Variants in MAP2K5 observed in about 807,000 individuals in gnomAD.
The protein encoded by MAP2K5 is dual specificity mitogen-activated protein kinase kinase 5.
In MAP2K5, 49 loss-of-function variants were observed where a neutral mutation model predicts 83.1. That is an observed-to-expected ratio of 0.59 (90% CI 0.47 to 0.75). The LOEUF (loss-of-function observed/expected upper bound fraction) is 0.75, where lower values mean the gene tolerates loss of function less well. MAP2K5 is among the 30% of genes least tolerant of loss of function. MAP2K5 has a pLI of 0.00. For missense variants in MAP2K5, 457 were observed against 557.5 expected (o/e 0.82, Z 1.82); for synonymous variants, 202 against 191.8 (o/e 1.05, Z -0.44).
At chr15:67,704,174 T>A (rs1012893207) in intron 16 of MAP2K5, among the ~76,000 whole-genome samples, 1 of 152,248 alleles carries the variant, frequency 6.6e-6, no homozygotes. Flanking sequence ...GTTTGAATTA[T>A]GGTAGTATAG....
In MAP2K5 at chr15:67,698,449, C is replaced by T. The variant is rs1366018430; in HGVS notation, c.972+4881C>T. Among the ~76,000 whole-genome samples, 1 of 152,112 alleles carries T rather than the reference C, an allele frequency of 6.6e-6. No homozygotes were observed. The highest frequency in any genetic ancestry group is 1.5e-5 in the Non-Finnish European group (1 of 68,012). ...AAGTGATCCACCCTCCTTGGCCTCC[C>T]AAAGTGCTGGGATTACAGGTGTGAG... is the stretch of plus-strand genomic sequence containing the variant. On this transcript the variant is annotated intron_variant, in intron 15 of 21. Coordinates refer to ENST00000178640, the MANE Select transcript of MAP2K5 (RefSeq NM_145160.3). This position sits in a 1 kb window ranked among gnomAD's most constrained non-coding sequence, Gnocchi z 4.5.
intron 16 of MAP2K5, among the ~76,000 whole-genome samples, chr15:67,726,083 A>T (rs1286103996): frequency 6.6e-6 from 1 of 152,212 alleles, no homozygotes; most frequent in East Asian, 1.9e-4. Flanking sequence ...TATCCATCAA[A>T]TGAAATGATG....
intron 17 of MAP2K5, among the ~76,000 whole-genome samples, chr15:67,728,664 G>T (rs1452701066): frequency 6.6e-6 from 1 of 152,158 alleles, no homozygotes; most frequent in Admixed American, 6.5e-5. Flanking sequence ...TGTTTTTCTG[G>T]CATCTTGGTC....
Position 67,677,786 on chromosome 15 carries a change from G to A in MAP2K5, c.847+13141G>A, listed in dbSNP as rs1299068845. Among the ~76,000 whole-genome samples the A allele has an allele frequency of 6.6e-6, 1 of 152,216 alleles. No homozygotes were observed. Among genetic ancestry groups the A allele is most frequent in the African/African-American group, 2.4e-5 (1 of 41,460 alleles). On this transcript the variant is annotated intron_variant, in intron 13 of 21. Coordinates refer to ENST00000178640, the MANE Select transcript of MAP2K5 (RefSeq NM_145160.3). The surrounding 1 kb of genome is among the most constrained non-coding windows in gnomAD (Gnocchi z 4.2). ...TTTACTTACTATGAAAGGATTAAGA[G>A]AGGGAGAATTGAGAAGCTCAGGCCT... is the stretch of plus-strand genomic sequence containing the variant.
rs2086691879 is a variant in MAP2K5 at position 67,640,677 on chromosome 15, A to G, written c.586-5554A>G. The G allele has an allele frequency of 1.6e-6, 1 of 640,966 alleles. No homozygotes were observed. The highest frequency in any genetic ancestry group is 6.9e-5 in the South Asian group (1 of 14,536). 39.7% of individuals were successfully genotyped at this position (640,966 alleles called of 1,614,324 possible). On this transcript the variant is annotated intron_variant, in intron 9 of 21. Transcript: ENST00000178640. This position sits in a 1 kb window ranked among gnomAD's most constrained non-coding sequence, Gnocchi z 4.6. ...ATGGGCACAATTAGATGAGTCCTTG[A>G]AAATCTGTTGCTTTTCCTACTCAAA...
At chr15:67,658,860 T>C in intron 12 of MAP2K5, 1 of 543,454 alleles carries the variant, frequency 1.8e-6, no homozygotes, top group East Asian at 4.1e-5. Context: ...TTGGTATTCT[T>C]GTTGACTCGT....
At chr15:67,597,388 A>G (rs2085550644) in intron 7 of MAP2K5, among the ~76,000 whole-genome samples, 2 of 152,218 alleles carry the variant, frequency 1.3e-5, no homozygotes, top group South Asian at 4.1e-4. Context: ...ATGTCCCTCC[A>G]TACTTAATAC....
intron 13 of MAP2K5, among the ~76,000 whole-genome samples, chr15:67,682,543 C>T (rs2087844562): frequency 6.8e-6 from 1 of 147,918 alleles, no homozygotes; most frequent in South Asian, 2.4e-4. Context: ...TTCTTAAGAG[C>T]TGTAGGTTGG....
rs777084751 is a variant in MAP2K5 at position 67,719,164 on chromosome 15, A to C, written c.1045-8752A>C. Among the ~76,000 whole-genome samples, 18 of 152,288 alleles carry C rather than the reference A, an allele frequency of 1.2e-4. No individual in the cohort carries two copies. Among genetic ancestry groups the C allele is most frequent in the Non-Finnish European group, 2.2e-4 (15 of 68,030 alleles). ...CTTGGCAACCTTTTAATCTTTAATA[A>C]GAAATAAGTCATCTAAATTCATCAT... is the stretch of plus-strand genomic sequence containing the variant. On this transcript the variant is annotated intron_variant, in intron 16 of 21. Transcript: ENST00000178640. The surrounding 1 kb of genome is among the most constrained non-coding windows in gnomAD (Gnocchi z 4.6).
In MAP2K5 at chr15:67,543,756, T is replaced by C. The variant is rs1201089155; in HGVS notation, c.135+286T>C. Among the ~76,000 whole-genome samples, 1 of 152,166 alleles carries C rather than the reference T, an allele frequency of 6.6e-6. No homozygotes were observed. Among genetic ancestry groups the C allele is most frequent in the African/African-American group, 2.4e-5 (1 of 41,438 alleles). ...TAGACACAACCACGCAAATGCAAACTGCTGAATCTAGAAGAGAGGTTTTTT... is the reference window on the plus strand; with the variant it reads ...TAGACACAACCACGCAAATGCAAACCGCTGAATCTAGAAGAGAGGTTTTTT... On this transcript the variant is annotated intron_variant, in intron 1 of 21. Transcript: ENST00000178640. This position sits in a 1 kb window ranked among gnomAD's most constrained non-coding sequence, Gnocchi z 4.3.
chr15:67,766,917 C>T (rs1317762844), intron 19 of MAP2K5, among the ~76,000 whole-genome samples: 1 of 152,116 alleles, frequency 6.6e-6, no homozygotes, highest in Non-Finnish European at 1.5e-5. Flanking sequence ...AAAATTCTCC[C>T]TTGAGCGATG....
At chr15:67,742,104 C>T (rs2089507650) in intron 17 of MAP2K5, among the ~76,000 whole-genome samples, 2 of 152,098 alleles carry the variant, frequency 1.3e-5, no homozygotes, top group South Asian at 4.1e-4. Context: ...CCATGTTAGC[C>T]AGGATGGTCA....
In MAP2K5 at chr15:67,630,902, C is replaced by T. The variant is rs780002929; in HGVS notation, c.560C>T (p.Pro187Leu). ...TCTTCCCATAGAGCATATCATGTCC[C>T]GAGTGGGAAAATATTAGCTGTAAAG... is the stretch of plus-strand genomic sequence containing the variant. Reference protein sequence around the residue: ...GGTVYKAYHVPSGKILAVKVI... With the variant: ...GGTVYKAYHVLSGKILAVKVI... Residue 187 changes from proline (P) to leucine (L), a missense_variant, in exon 9 of 22, where the codon CCG becomes CTG. By Grantham distance (98) the Pro-to-Leu change is moderately conservative. Around this residue, in one of 3 missense-constraint regions of MAP2K5, gnomAD observed 234 missense variants for 243.6 expected, o/e 0.96. Coordinates refer to ENST00000178640, the MANE Select transcript of MAP2K5 (RefSeq NM_145160.3). 6.2e-6 allele frequency: 10 copies of T among 1,609,670 alleles called. No homozygotes were observed. The highest frequency in any genetic ancestry group is 1.7e-5 in the Admixed American group (1 of 59,296).
At chr15:67,591,397 T>C (rs1483854171) in intron 6 of MAP2K5, among the ~76,000 whole-genome samples, 1 of 150,706 alleles carries the variant, frequency 6.6e-6, no homozygotes, top group Admixed American at 6.6e-5. Flanking sequence ...ATTATTGAGA[T>C]GGAGTCTCGC....
intron 3 of MAP2K5, among the ~76,000 whole-genome samples, chr15:67,575,852 C>T (rs1256388993): frequency 2.0e-5 from 3 of 151,514 alleles, no homozygotes; most frequent in Non-Finnish European, 4.4e-5. Flanking sequence ...AGTTCTCTCC[C>T]TCTATCTCTA....
intron 4 of MAP2K5, among the ~76,000 whole-genome samples, chr15:67,583,000 G>A (rs1047747058): frequency 1.3e-5 from 2 of 152,194 alleles, no homozygotes; most frequent in Non-Finnish European, 2.9e-5. Context: ...TTCTTCCCAT[G>A]ATAATCACAA....
rs557852920 is a variant in MAP2K5, at chr15:67,785,802, A to C, written c.1242+13050A>C. 6.6e-6 allele frequency among the ~76,000 whole-genome samples: 1 copy of C among 152,046 alleles called. No homozygotes were observed. The highest frequency in any genetic ancestry group is 2.4e-5 in the African/African-American group (1 of 41,384). On this transcript the variant is annotated intron_variant, in intron 21 of 21. Coordinates refer to ENST00000178640, the MANE Select transcript of MAP2K5 (RefSeq NM_145160.3). This position sits in a 1 kb window ranked among gnomAD's most constrained non-coding sequence, Gnocchi z 4.4. ...TAAGGATGGTCTTTCAAAGCTTGCA[A>C]ATCAGTCTATCGTGTGAATGTGAGC...
At chr15:67,584,755 T>G (rs919708149) in intron 4 of MAP2K5, among the ~76,000 whole-genome samples, 1 of 144,816 alleles carries the variant, frequency 6.9e-6, no homozygotes, top group Non-Finnish European at 1.5e-5. Context: ...CTCAGCTCAC[T>G]GCAAGCTCTG....
intron 19 of MAP2K5, among the ~76,000 whole-genome samples, chr15:67,756,171 T>G (rs1303122685): frequency 6.6e-6 from 1 of 152,214 alleles, no homozygotes; most frequent in Non-Finnish European, 1.5e-5. Context: ...GTGTTTTAAG[T>G]ATCATATGCA....
Sources: gnomAD v4.1 joint callset for allele counts (sites outside exome capture counted in the v4.1 genomes callset) on GRCh38, gnomAD v4.1.1 for gene constraint, gnomAD v4.1.1 regional missense constraint, Gnocchi (gnomAD v3.1) non-coding constraint, MANE v1.5 for transcripts, NCBI Gene and HGNC (gene_info 2026-07-23, HGNC 2026-07-21) for gene names.